RYR3: variants seen among roughly 807,000 people sequenced by gnomAD.
RYR3 encodes the protein brain ryanodine receptor-calcium release channel.
A neutral mutation model predicts 584.3 loss-of-function variants in RYR3; 207 were observed. The observed-to-expected ratio is 0.35, with a 90% confidence interval of 0.32 to 0.40. The LOEUF is 0.40. Ranked by LOEUF, RYR3 falls within the 10% of genes least tolerant of loss-of-function variation. The pLI, the probability that RYR3 is intolerant of heterozygous loss-of-function variation, is 1.00. For missense variants in RYR3, 5,616 were observed against 6,089.2 expected, an observed-to-expected ratio of 0.92 and a Z score of 2.59; for synonymous variants, 2,416 against 2,248.5, an observed-to-expected ratio of 1.07 and a Z score of -2.11.
Position 33,336,544 on chromosome 15 carries a change from A to G in RYR3, c.51+25448A>G, listed in dbSNP as rs1189926205. 6.3e-5 allele frequency among the ~76,000 whole-genome samples: 8 copies of G among 127,194 alleles called. 4 individuals carry two copies. Among genetic ancestry groups the G allele is most frequent in the African/African-American group, 2.5e-4 (8 of 32,044 alleles). The allele number at this position is 127,194 out of a possible 152,430, so 83.4% of individuals were successfully genotyped here. A position where few individuals can be genotyped will look rare whatever the true frequency, so the allele number is the denominator to read the frequency against. On this transcript the variant is annotated intron_variant, in intron 1 of 103. Transcript: ENST00000634891. ...AAGGAGGGAAGGAGGGAAGGAGGGA[A>G]GGAGGGAAGGAAGGAAGAAAAAAGC...
chr15:33,384,659 C>T (rs1286558508), intron 1 of RYR3, among the ~76,000 whole-genome samples: 1 of 122,440 alleles, frequency 8.2e-6, no homozygotes, highest in East Asian at 2.2e-4. Flanking sequence ...TTAACCTATC[C>T]CTTACTTCAC....
At chr15:33,696,781 G>T (rs1010565088) in intron 39 of RYR3, among the ~76,000 whole-genome samples, 2 of 152,156 alleles carry the variant, frequency 1.3e-5, no homozygotes, top group Non-Finnish European at 2.9e-5. Context: ...GGAAGGGACG[G>T]TGTGTTCAAC....
intron 2 of RYR3, among the ~76,000 whole-genome samples, chr15:33,496,533 G>A (rs1347764899): frequency 6.6e-6 from 1 of 152,058 alleles, no homozygotes; most frequent in Non-Finnish European, 1.5e-5. Flanking sequence ...GAGGAGATGA[G>A]AGAAAAAGCA....
chr15:33,864,555 G>C (rs1347905562), intron 103 of RYR3, among the ~76,000 whole-genome samples: 1 of 151,138 alleles, frequency 6.6e-6, no homozygotes, highest in Non-Finnish European at 1.5e-5. Context: ...GAAAGATAAC[G>C]ACCTCATGTG....
intron 1 of RYR3, among the ~76,000 whole-genome samples, chr15:33,359,747 T>A (rs1057177275): frequency 6.6e-6 from 1 of 152,032 alleles, no homozygotes; most frequent in Non-Finnish European, 1.5e-5. Context: ...GCCTCCGAAG[T>A]AGCTGGGACT....
At chr15:33,536,381 T>C (rs1015057093) in intron 5 of RYR3, among the ~76,000 whole-genome samples, 1 of 152,214 alleles carries the variant, frequency 6.6e-6, no homozygotes, top group Non-Finnish European at 1.5e-5. Flanking sequence ...CTGGTCTCCT[T>C]TTAAAGTTGT....
intron 43 of RYR3, among the ~76,000 whole-genome samples, chr15:33,721,993 A>G (rs1176953041): frequency 2.0e-5 from 3 of 152,216 alleles, no homozygotes; most frequent in Admixed American, 6.5e-5. Flanking sequence ...GGAATAACCA[A>G]TAAAACTTTA....
chr15:33,753,186 A>G (rs573328644), intron 57 of RYR3, among the ~76,000 whole-genome samples: 1 of 152,338 alleles, frequency 6.6e-6, no homozygotes, highest in South Asian at 2.1e-4. Flanking sequence ...CAAAATATGC[A>G]TCTTAGTTTT....
rs1004226379 is a variant in RYR3 at position 33,425,860 on chromosome 15, T to G, written c.52-47559T>G. Among the ~76,000 whole-genome samples the G allele has an allele frequency of 2.6e-5, 4 of 152,190 alleles. No homozygotes were observed. The South Asian group carries it at 6.2e-4, about 24-fold the overall frequency. ...GGTTTCACCGTGTTAGCCAGGATGG[T>G]CTCAATCTCCTGACCTCGTGATCCG... is the stretch of plus-strand genomic sequence containing the variant. On this transcript the variant is annotated intron_variant, in intron 1 of 103. Coordinates refer to ENST00000634891, the MANE Select transcript of RYR3 (RefSeq NM_001036.6).
chr15:33,659,264 T>G (rs2063004153), intron 32 of RYR3, among the ~76,000 whole-genome samples: 1 of 152,188 alleles, frequency 6.6e-6, no homozygotes, highest in Non-Finnish European at 1.5e-5. Context: ...TGACTAATGT[T>G]GGTTTGCCTG....
intron 20 of RYR3, among the ~76,000 whole-genome samples, chr15:33,626,919 G>C (rs144771366): frequency 6.6e-6 from 1 of 152,060 alleles, no homozygotes; most frequent in African/African-American, 2.4e-5. Context: ...AAACGGGTGG[G>C]GTCCTCATGG....
intron 100 of RYR3, among the ~76,000 whole-genome samples, chr15:33,860,137 A>T (rs1212907549): frequency 1.3e-5 from 2 of 152,128 alleles, no homozygotes; most frequent in Non-Finnish European, 2.9e-5. Flanking sequence ...CAGCTTGTCA[A>T]GATTGGAGAA....
At chr15:33,781,268 C>T (rs2074364982) in intron 65 of RYR3, among the ~76,000 whole-genome samples, 2 of 152,174 alleles carry the variant, frequency 1.3e-5, no homozygotes, top group Admixed American at 6.5e-5. Context: ...CTAGAAAGAA[C>T]TGCGATGATT....
In RYR3 at chr15:33,864,135, C is replaced by T. The variant is rs1295954850; in HGVS notation, c.14466-3C>T. ...ATCTAATACTATCTTTTCCTCGTTCCAGGTTCTTTCTGATGTATTTGATTA... is the reference window on the plus strand; with the variant it reads ...ATCTAATACTATCTTTTCCTCGTTCTAGGTTCTTTCTGATGTATTTGATTA... On this transcript the variant is annotated splice_region_variant and splice_polypyrimidine_tract_variant and intron_variant, in intron 102 of 103. Transcript: ENST00000634891. The T allele has an allele frequency of 6.2e-7, 1 of 1,609,774 alleles. No homozygotes were observed. The highest frequency in any genetic ancestry group is 1.1e-5 in the South Asian group (1 of 90,434).
At chr15:33,827,795 A>T (rs935296166) in intron 85 of RYR3, among the ~76,000 whole-genome samples, 5 of 152,216 alleles carry the variant, frequency 3.3e-5, no homozygotes, top group African/African-American at 1.2e-4. Flanking sequence ...TGGTTCTGCC[A>T]CTTACTGGTT....
chr15:33,622,518 TA>T (rs2060778362), intron 19 of RYR3, among the ~76,000 whole-genome samples: 1 of 152,186 alleles, frequency 6.6e-6, no homozygotes, highest in Non-Finnish European at 1.5e-5. Flanking sequence ...TCCCAATCAG[TA>T]ATTAACGCCT....
intron 8 of RYR3, 56 bp from the exon 9 acceptor site, chr15:33,548,074 C>A: frequency 7.7e-7 from 1 of 1,305,944 alleles, no homozygotes; most frequent in Non-Finnish European, 1.1e-6. Context: ...CTGTTCTTCA[C>A]CCGGGTGCTG....
At chr15:33,829,168 G>GA (rs34649465) in intron 85 of RYR3, among the ~76,000 whole-genome samples, 1,871 of 147,556 alleles carry the variant, frequency 0.013, 49 homozygotes, top group African/African-American at 0.043. Flanking sequence ...CAACTGCTCA[G>GA]AAAAAAAAAA....
intron 99 of RYR3, chr15:33,859,051 G>C (rs1039477735): frequency 7.8e-5 from 12 of 154,062 alleles, no homozygotes; most frequent in African/African-American, 2.6e-4. Flanking sequence ...TGGAGAGACA[G>C]AGGGTGCCCT....
Sources: allele counts gnomAD v4.1 joint callset (sites outside exome capture counted in the v4.1 genomes callset), GRCh38; gene constraint gnomAD v4.1.1; transcripts MANE v1.5; gene names NCBI Gene and HGNC (gene_info 2026-07-23, HGNC 2026-07-21).